The following JARID2 variants were observed in gnomAD, a reference collection of about 807,000 sequenced individuals.
JARID2 encodes the protein jumonji and AT-rich interaction domain containing 2.
Under a neutral mutation model 125.6 loss-of-function variants are expected in JARID2, and 21 were observed. The observed-to-expected ratio is 0.17, with a 90% CI of 0.12 to 0.24. JARID2 has a LOEUF of 0.24. Among genes scored for constraint, JARID2 ranks in the 10% least tolerant of loss-of-function variants. The pLI, the probability that JARID2 is intolerant of heterozygous loss-of-function variation, is 1.00. For missense variants in JARID2, 1,303 were observed against 1,639.6 expected (o/e 0.79, Z 3.55); for synonymous variants, 736 against 661.6 (o/e 1.11, Z -1.73).
intron 1 of JARID2, chr6:15,247,392 A>G: frequency 1.0e-6 from 1 of 964,690 alleles, no homozygotes. Context: ...TTTGATTGGC[A>G]TGGGGAGTGT....
At chr6:15,506,622 GGGC>G (rs1771017235) in intron 9 of JARID2, among the ~76,000 whole-genome samples, 1 of 152,178 alleles carries the variant, frequency 6.6e-6, no homozygotes, top group Non-Finnish European at 1.5e-5. Flanking sequence ...AAGGGAGCCT[GGGC>G]ACCGCTGCTT....
Position 15,487,664 on chromosome 6 carries a change from A to G in JARID2, c.906+122A>G, listed in dbSNP as rs915945609. 4 of 848,802 alleles carry G rather than the reference A, an allele frequency of 4.7e-6. No homozygotes were observed. In the African/African-American group the frequency reaches 5.2e-5, roughly 11 times the overall value. The allele number at this position is 848,802 out of a possible 1,614,324, so 52.6% of individuals were successfully genotyped here. ...AGGAGGTGATGCCCAGAAGCAAGAC[A>G]GGGACAGACAGAGCGCACCTTTGCA... On this transcript the variant is annotated intron_variant, in intron 6 of 17. Transcript: ENST00000341776.
intron 3 of JARID2, among the ~76,000 whole-genome samples, chr6:15,434,453 C>T (rs928803636): frequency 1.3e-5 from 2 of 152,082 alleles, no homozygotes. Context: ...CAAATAGGGT[C>T]AGCTGTCATC....
chr6:15,501,998 C>G (rs1409490836), intron 8 of JARID2, among the ~76,000 whole-genome samples: 1 of 152,234 alleles, frequency 6.6e-6, no homozygotes, highest in East Asian at 1.9e-4. Flanking sequence ...ATCCGCTCAC[C>G]TCACTGCCAG....
chr6:15,392,041 T>G (rs1289458733), intron 2 of JARID2, among the ~76,000 whole-genome samples: 2 of 26,486 alleles, frequency 7.6e-5, no homozygotes, highest in South Asian at 2.2e-3. Context: ...CCCAGAGTGG[T>G]GTGTGTGTGT....
chr6:15,382,403 CGA>C (rs1764625764), intron 2 of JARID2, among the ~76,000 whole-genome samples: 2 of 152,090 alleles, frequency 1.3e-5, no homozygotes, highest in Non-Finnish European at 2.9e-5. Flanking sequence ...TTGAAAGATG[CGA>C]GAGATTTCTG....
Position 15,246,555 on chromosome 6 carries a change from C to G in JARID2, c.16C>G (p.Pro6Ala). Residue 6 changes from proline (P) to alanine (A), a missense_variant, in exon 1 of 18, where the codon CCC (proline) becomes GCC (alanine). Coordinates refer to ENST00000341776, the MANE Select transcript of JARID2 (RefSeq NM_004973.4). MSKER[P>A]KRNIIQKKYD... ...GGATCTCAGAATGAGCAAGGAAAGA[C>G]CCAAGAGGAATATCATTCAGAAGAA... 6.2e-7 allele frequency: 1 copy of G among 1,613,406 alleles called. No individual in the cohort carries two copies. Among genetic ancestry groups the G allele is most frequent in the Non-Finnish European group, 8.5e-7 (1 of 1,179,436 alleles).
intron 1 of JARID2, among the ~76,000 whole-genome samples, chr6:15,344,771 A>G (rs1344073199): frequency 1.3e-5 from 2 of 152,076 alleles, no homozygotes; most frequent in Non-Finnish European, 2.9e-5. Flanking sequence ...ATAATTTCTT[A>G]ATTATTGTAA....
chr6:15,436,261 A>G (rs906062397), intron 3 of JARID2, among the ~76,000 whole-genome samples: 33 of 152,164 alleles, frequency 2.2e-4, no homozygotes, highest in African/African-American at 7.7e-4. Flanking sequence ...GAATGATCGC[A>G]AGGTTTTATT....
At chr6:15,482,085 A>C (rs192406255) in intron 5 of JARID2, among the ~76,000 whole-genome samples, 2 of 152,354 alleles carry the variant, frequency 1.3e-5, no homozygotes, top group East Asian at 3.9e-4. Context: ...TTTTCAGATA[A>C]GAAAGATACT....
chr6:15,414,522 C>G (rs918099551), intron 3 of JARID2, among the ~76,000 whole-genome samples: 1 of 112,236 alleles, frequency 8.9e-6, no homozygotes, highest in East Asian at 2.5e-4. Flanking sequence ...GAGGCAACTA[C>G]AACAACAACA....
intron 3 of JARID2, among the ~76,000 whole-genome samples, chr6:15,423,052 T>C (rs998912647): frequency 8.1e-5 from 12 of 148,388 alleles, no homozygotes; most frequent in African/African-American, 2.8e-4. Context: ...CAGGCTGGAG[T>C]GCAGTGTTAC....
rs1771783053 is a variant in JARID2 at position 15,520,507 on chromosome 6, A to C, written c.*256A>C. The C allele has an allele frequency of 2.5e-6, 1 of 400,786 alleles. No individual in the cohort carries two copies. Among genetic ancestry groups the C allele is most frequent in the African/African-American group, 2.1e-5 (1 of 48,210 alleles). 24.8% of individuals were successfully genotyped at this position (400,786 alleles called of 1,614,324 possible). A position where few individuals can be genotyped will look rare whatever the true frequency, so the allele number is the denominator to read the frequency against. Reference sequence around the variant, plus strand: ...TTAAAAACCCCGGAGGGGCTGTATTAATTTGTATTGCCCCATGGCTGACAA... The same window carrying C: ...TTAAAAACCCCGGAGGGGCTGTATTCATTTGTATTGCCCCATGGCTGACAA... On this transcript the variant is annotated 3_prime_UTR_variant, in exon 18 of 18. Transcript: ENST00000341776.
chr6:15,302,983 C>A (rs1018611714), intron 1 of JARID2, among the ~76,000 whole-genome samples: 4 of 152,156 alleles, frequency 2.6e-5, no homozygotes, highest in African/African-American at 9.7e-5. Context: ...CTCGGCCTCC[C>A]AAAGTGCTGG....
intron 1 of JARID2, among the ~76,000 whole-genome samples, chr6:15,286,988 G>A (rs1047606913): frequency 2.0e-4 from 31 of 152,064 alleles, no homozygotes; most frequent in Non-Finnish European, 4.4e-4. Flanking sequence ...GGTGGCAGGC[G>A]CCTGTAATCC....
At chr6:15,257,744 GGGTT>G (rs1310151216) in intron 1 of JARID2, among the ~76,000 whole-genome samples, 2 of 152,160 alleles carry the variant, frequency 1.3e-5, no homozygotes, top group African/African-American at 4.8e-5. Context: ...TTAGGCCAGC[GGGTT>G]GGTTGGTTTG....
intron 1 of JARID2, among the ~76,000 whole-genome samples, chr6:15,258,016 A>G (rs2127313497): frequency 6.6e-6 from 1 of 152,316 alleles, no homozygotes; most frequent in East Asian, 1.9e-4. Flanking sequence ...TATATGTATG[A>G]AATGCTTTTT....
intron 3 of JARID2, among the ~76,000 whole-genome samples, chr6:15,450,863 C>T (rs980968249): frequency 1.6e-4 from 25 of 152,178 alleles, no homozygotes; most frequent in African/African-American, 5.8e-4. Context: ...AAAGAACAAA[C>T]TGGGCTGGGT....
chr6:15,423,314 G>A (rs1312499796), intron 3 of JARID2, among the ~76,000 whole-genome samples: 1 of 152,074 alleles, frequency 6.6e-6, no homozygotes, highest in South Asian at 2.1e-4. Flanking sequence ...CCAGTCATCT[G>A]TCATTGGAAA....
Sources: gnomAD v4.1 joint callset for allele counts (sites outside exome capture counted in the v4.1 genomes callset) on GRCh38, gnomAD v4.1.1 for gene constraint, MANE v1.5 for transcripts, NCBI Gene and HGNC (gene_info 2026-07-23, HGNC 2026-07-21) for gene names.